The following DDX17 variants were observed in gnomAD, a reference collection of about 807,000 sequenced individuals.
DDX17 encodes DEAD-box helicase 17, also known as probable ATP-dependent RNA helicase DDX17.
In DDX17, 10 loss-of-function variants were observed where a neutral mutation model predicts 80.8. The observed-to-expected ratio is 0.12, with a 90% CI of 0.08 to 0.21. DDX17 has a LOEUF of 0.21. DDX17 is among the 10% of genes least tolerant of loss of function. The probability of loss-of-function intolerance (pLI) is 1.00; values close to 1 mark genes in which losing one functional copy is unlikely to be tolerated. For synonymous variants in DDX17, 339 were observed against 336.2 expected, an observed-to-expected ratio of 1.01 and a Z score of -0.09; for missense variants, 586 against 957.4, an observed-to-expected ratio of 0.61 and a Z score of 5.12.
rs781056289 is a variant in DDX17 at position 38,488,125 on chromosome 22, C to G, written c.1448-10G>C. 1 of 1,614,070 alleles carries G rather than the reference C, an allele frequency of 6.2e-7. No homozygotes were observed. The highest frequency in any genetic ancestry group is 8.5e-7 in the Non-Finnish European group (1 of 1,180,024). On this transcript the variant is annotated splice_polypyrimidine_tract_variant and intron_variant, in intron 11 of 12. Coordinates refer to ENST00000403230, the MANE Select transcript of DDX17 (RefSeq NM_006386.5). Reference sequence around the variant, plus strand: ...TTGACATCTTCCACATCTTCCACGTCAATGATGAGTCAGTGTGTAGGTTGA... The same window carrying G: ...TTGACATCTTCCACATCTTCCACGTGAATGATGAGTCAGTGTGTAGGTTGA...
At chr22:38,505,732 G>A (rs896183453) in intron 1 of DDX17, 46 of 546,512 alleles carry the variant, frequency 8.4e-5, no homozygotes, top group Non-Finnish European at 1.2e-4. Flanking sequence ...ACGGCCGTCC[G>A]CACGGAGAGG....
chr22:38,487,355 A>G (rs1241335283), intron 12 of DDX17, among the ~76,000 whole-genome samples: 1 of 151,872 alleles, frequency 6.6e-6, no homozygotes, highest in Non-Finnish European at 1.5e-5. Context: ...TTGGTGGCTC[A>G]CTCCTGTAAT....
chr22:38,501,975 C>T (rs900111936), intron 1 of DDX17, among the ~76,000 whole-genome samples: 1 of 152,222 alleles, frequency 6.6e-6, no homozygotes, highest in Non-Finnish European at 1.5e-5. Flanking sequence ...CCAAGCAAGT[C>T]CCTCAATCTT....
At chr22:38,502,840 C>G (rs1204722541) in intron 1 of DDX17, among the ~76,000 whole-genome samples, 1 of 152,196 alleles carries the variant, frequency 6.6e-6, no homozygotes, top group African/African-American at 2.4e-5. Flanking sequence ...TTTTCCCACT[C>G]TAACCCACTT....
intron 12 of DDX17, among the ~76,000 whole-genome samples, chr22:38,487,078 G>C (rs2089667018): frequency 6.6e-6 from 1 of 152,304 alleles, no homozygotes; most frequent in African/African-American, 2.4e-5. Context: ...TGAAGCAGGA[G>C]AATCACTTGA....
rs960948904 is a variant in DDX17, at chr22:38,499,430, C to T, written c.508G>A (p.Val170Met). 13 of 1,613,858 alleles carry T rather than the reference C, an allele frequency of 8.1e-6. 1 individual carries two copies. Among genetic ancestry groups the T allele is most frequent in the East Asian group, 6.7e-5 (3 of 44,892 alleles). ...AAGTTAGCATGATGGAAGGCAAACA[C>T]GGGTTTAGGACAAACATCTCCCCCC... Residue 170 changes from valine (V) to methionine (M), a missense_variant, in exon 3 of 13, where the codon GTG (valine) becomes ATG (methionine). By Grantham distance (21) the Val-to-Met change is conservative (BLOSUM62 1). Around this residue, in one of 4 missense-constraint regions of DDX17, gnomAD observed 215 missense variants for 238.4 expected, o/e 0.90. Transcript: ENST00000403230.
Position 38,486,135 on chromosome 22 carries a change from T to C in DDX17, c.1990A>G (p.Ser664Gly). 6.2e-7 allele frequency: 1 copy of C among 1,614,238 alleles called. No homozygotes were observed. The highest frequency in any genetic ancestry group is 8.5e-7 in the Non-Finnish European group (1 of 1,180,038). Residue 664 changes from serine to glycine, a missense_variant, in exon 13 of 13, where the codon AGC becomes GGC. Ser to Gly is a moderately conservative substitution (Grantham distance 56). This residue lies in a region of DDX17 where 221 missense variants were observed against 261.4 expected (regional missense o/e 0.85). Transcript: ENST00000403230. Reference sequence around the variant, plus strand: ...GAACTTCTCCCAGTTGAGGTGGTGCTACTAGCTCCATAAGTGCCAGCACCA... The same window carrying C: ...GAACTTCTCCCAGTTGAGGTGGTGCCACTAGCTCCATAAGTGCCAGCACCA...
chr22:38,501,759 T>A (rs930046149), intron 1 of DDX17, among the ~76,000 whole-genome samples: 1 of 152,248 alleles, frequency 6.6e-6, no homozygotes, highest in African/African-American at 2.4e-5. Flanking sequence ...CAAGTTAGCA[T>A]CATTTCATTC....
rs756566563 is a variant in DDX17 at position 38,485,849 on chromosome 22, G to C, written c.*86C>G. ...AAAAAAAGAAAAAAGGAAAAAAAAA[G>C]AAAAGGCGAAGAGGAAAAAAAAAGG... On this transcript the variant is annotated 3_prime_UTR_variant, in exon 13 of 13. Transcript: ENST00000403230. The C allele has an allele frequency of 1.3e-5, 18 of 1,361,910 alleles. No individual in the cohort carries two copies. The highest frequency in any genetic ancestry group is 2.7e-4 in the Middle Eastern group (1 of 3,716). 84.4% of individuals were successfully genotyped at this position (1,361,910 alleles called of 1,614,324 possible). A position where few individuals can be genotyped will look rare whatever the true frequency, so the allele number is the denominator to read the frequency against.
rs532613310 is a variant in DDX17 at position 38,493,308 on chromosome 22, C to G, written c.1387+402G>C. ...CCTCCCACCTCAATCTCCGGAGTCG[C>G]TGGGGTTACAGGCGTGCACCACCAA... On this transcript the variant is annotated intron_variant, in intron 10 of 12. Coordinates refer to ENST00000403230, the MANE Select transcript of DDX17 (RefSeq NM_006386.5). The G allele has an allele frequency of 2.6e-5, 4 of 156,834 alleles. No homozygotes were observed. In the Admixed American group the frequency reaches 2.6e-4, roughly 10 times the overall value. The allele number at this position is 156,834 out of a possible 1,614,324, so 9.7% of individuals were successfully genotyped here. A position where few individuals can be genotyped will look rare whatever the true frequency, so the allele number is the denominator to read the frequency against.
rs765923156 is a variant in DDX17, at chr22:38,485,925, T to C, written c.*10A>G. On this transcript the variant is annotated 3_prime_UTR_variant, in exon 13 of 13. Coordinates refer to ENST00000403230, the MANE Select transcript of DDX17 (RefSeq NM_006386.5). ...TTAAGTCTGCTGGAGTCACTACCAC[T>C]TGAGTGGTTTCATTTACGTGAAGGA... The C allele has an allele frequency of 6.2e-6, 10 of 1,612,430 alleles. No homozygotes were observed. The highest frequency in any genetic ancestry group is 5.5e-5 in the South Asian group (5 of 91,000).
chr22:38,503,072 T>C (rs1340029664), intron 1 of DDX17, among the ~76,000 whole-genome samples: 1 of 152,304 alleles, frequency 6.6e-6, no homozygotes, highest in African/African-American at 2.4e-5. Flanking sequence ...ATTCCATTTA[T>C]ACCACTACTG....
intron 2 of DDX17, among the ~76,000 whole-genome samples, chr22:38,500,253 T>G (rs2089814185): frequency 6.6e-6 from 1 of 151,916 alleles, no homozygotes; most frequent in African/African-American, 2.4e-5. Context: ...TTCAATCATG[T>G]ATAATAAACA....
chr22:38,494,551 T>C, intron 8 of DDX17, 79 bp downstream of exon 8: 1 of 1,372,380 alleles, frequency 7.3e-7, no homozygotes, highest in Admixed American at 1.9e-5. Flanking sequence ...AATATACTGG[T>C]TTCTACAGTA....
chr22:38,497,838 A>T (rs965065547), intron 5 of DDX17, among the ~76,000 whole-genome samples: 1 of 152,170 alleles, frequency 6.6e-6, no homozygotes, highest in Non-Finnish European at 1.5e-5. Context: ...TTTACTGCAC[A>T]GTAAATGCCC....
chr22:38,492,248 T>C lies in DDX17; in HGVS notation c.1388-133A>G, dbSNP rs1313503341. 4.0e-5 allele frequency: 26 copies of C among 646,144 alleles called. No homozygotes were observed. The East Asian group carries it at 6.3e-4, about 16-fold the overall frequency. 40.0% of individuals were successfully genotyped at this position (646,144 alleles called of 1,614,324 possible). ...CTTGTAATGACTGACAGTGATTCTT[T>C]TGAAAATCTTTATTACACTCATATT... is the stretch of plus-strand genomic sequence containing the variant. On this transcript the variant is annotated intron_variant, in intron 10 of 12. Coordinates refer to ENST00000403230, the MANE Select transcript of DDX17 (RefSeq NM_006386.5).
chr22:38,490,204 T>C (rs987458379), intron 11 of DDX17: 1 of 1,204,862 alleles, frequency 8.3e-7, no homozygotes, highest in Non-Finnish European at 1.1e-6. Context: ...CAATATTATC[T>C]TGCTGCCTTT....
rs1378666527 is a variant in DDX17 at position 38,489,733 on chromosome 22, C to T, written c.1448-1618G>A. The T allele has an allele frequency of 1.0e-6, 1 of 985,182 alleles. No individual in the cohort carries two copies. The highest frequency in any genetic ancestry group is 1.7e-5 in the African/African-American group (1 of 57,150). 61.0% of individuals were successfully genotyped at this position (985,182 alleles called of 1,614,324 possible). ...TTTACTGACCCCTAAAGTCCTGAAT[C>T]ACACCAGAAAGACGAGAAGGCACTT... On this transcript the variant is annotated intron_variant, in intron 11 of 12. Transcript: ENST00000403230. This position sits in a 1 kb window ranked among gnomAD's most constrained non-coding sequence, Gnocchi z 4.6.
intron 11 of DDX17, chr22:38,490,892 T>C (rs981097998): frequency 6.3e-6 from 1 of 158,420 alleles, no homozygotes; most frequent in East Asian, 1.9e-4. Context: ...GTTATTCTAA[T>C]GGTAGCCAAT....
Sources: gnomAD v4.1 joint callset for allele counts (sites outside exome capture counted in the v4.1 genomes callset) on GRCh38, gnomAD v4.1.1 for gene constraint, gnomAD v4.1.1 regional missense constraint, Gnocchi (gnomAD v3.1) non-coding constraint, MANE v1.5 for transcripts, NCBI Gene and HGNC (gene_info 2026-07-23, HGNC 2026-07-21) for gene names.